Variants in NLGN1 observed in about 807,000 individuals in gnomAD.
NLGN1 encodes the protein neuroligin 1.
In NLGN1, 12 loss-of-function variants were observed where a neutral mutation model predicts 65.5. The ratio of observed to expected loss-of-function variants is 0.18; its 90% confidence interval spans 0.12 to 0.30. The LOEUF (loss-of-function observed/expected upper bound fraction) is 0.30, where lower values mean the gene tolerates loss of function less well. NLGN1 is among the 10% of genes least tolerant of loss of function. The pLI is 1.00. For synonymous variants in NLGN1, 350 were observed against 359.5 expected, an observed-to-expected ratio of 0.97 and a Z score of 0.30; for missense variants, 750 against 1,007.1, an observed-to-expected ratio of 0.74 and a Z score of 3.46.
At chr3:173,769,876 C>T (rs1015286092) in intron 3 of NLGN1, among the ~76,000 whole-genome samples, 4 of 152,160 alleles carry the variant, frequency 2.6e-5, no homozygotes, top group Non-Finnish European at 5.9e-5. Flanking sequence ...CTTACCTTAT[C>T]CCTCTGGAAA....
chr3:173,773,731 G>C (rs1050059606), intron 3 of NLGN1, among the ~76,000 whole-genome samples: 1 of 152,020 alleles, frequency 6.6e-6, no homozygotes, highest in Admixed American at 6.6e-5. Context: ...GAGGTGGGTA[G>C]GTTCATAAAT....
At chr3:173,798,729 T>C (rs1013574262) in intron 3 of NLGN1, among the ~76,000 whole-genome samples, 1 of 152,088 alleles carries the variant, frequency 6.6e-6, no homozygotes, top group African/African-American at 2.4e-5. Context: ...CTGTCTGTGT[T>C]TGAAATGACC....
chr3:174,235,633 T>TAG (rs1267525036), intron 4 of NLGN1, among the ~76,000 whole-genome samples: 26 of 152,280 alleles, frequency 1.7e-4, no homozygotes, highest in Admixed American at 7.8e-4. Flanking sequence ...ACTGGCTTGA[T>TAG]ATTATTTTAT....
intron 2 of NLGN1, among the ~76,000 whole-genome samples, chr3:173,548,235 G>A (rs1428364226): frequency 2.6e-5 from 4 of 152,078 alleles, no homozygotes; most frequent in East Asian, 3.8e-4. Context: ...AATAGGGGCT[G>A]TAAATCTATT....
intron 4 of NLGN1, among the ~76,000 whole-genome samples, chr3:174,236,934 T>A (rs1189548372): frequency 6.6e-6 from 1 of 152,132 alleles, no homozygotes; most frequent in Non-Finnish European, 1.5e-5. Flanking sequence ...ACACTCTGCT[T>A]CTAAATCTAA....
At chr3:173,844,818 A>T (rs556690197) in intron 4 of NLGN1, among the ~76,000 whole-genome samples, 4 of 152,220 alleles carry the variant, frequency 2.6e-5, no homozygotes, top group Non-Finnish European at 5.9e-5. Flanking sequence ...CTGTAGTGTG[A>T]GTTACACAGT....
At chr3:173,441,593 C>G (rs1247746190) in intron 2 of NLGN1, among the ~76,000 whole-genome samples, 2 of 152,106 alleles carry the variant, frequency 1.3e-5, no homozygotes, top group African/African-American at 4.8e-5. Context: ...GCAGTCAGAA[C>G]ACACATATTT....
At chr3:174,259,757 A>G (rs1184971742) in intron 4 of NLGN1, among the ~76,000 whole-genome samples, 1 of 151,506 alleles carries the variant, frequency 6.6e-6, no homozygotes, top group Non-Finnish European at 1.5e-5. Context: ...ATATGTATAC[A>G]TGTGCCATGC....
intron 4 of NLGN1, among the ~76,000 whole-genome samples, chr3:174,226,994 G>A (rs1351390418): frequency 6.6e-6 from 1 of 152,138 alleles, no homozygotes; most frequent in East Asian, 1.9e-4. Flanking sequence ...GCATACGATT[G>A]TTGACTTTTA....
chr3:173,653,602 A>G (rs1759544914), intron 3 of NLGN1, among the ~76,000 whole-genome samples: 1 of 152,210 alleles, frequency 6.6e-6, no homozygotes, highest in African/African-American at 2.4e-5. Flanking sequence ...TCGCATTTTT[A>G]TAAACATTAT....
chr3:173,673,749 G>A (rs1050139556), intron 3 of NLGN1, among the ~76,000 whole-genome samples: 4 of 152,032 alleles, frequency 2.6e-5, no homozygotes, highest in Admixed American at 6.6e-5. Flanking sequence ...AAGTACATAT[G>A]TTAATGGTAG....
At chr3:174,216,545 G>A (rs1370041356) in intron 4 of NLGN1, among the ~76,000 whole-genome samples, 1 of 152,074 alleles carries the variant, frequency 6.6e-6, no homozygotes, top group Non-Finnish European at 1.5e-5. Flanking sequence ...GTAGATAGAT[G>A]TGCCCCTTTC....
chr3:174,187,906 A>G (rs903295588), intron 4 of NLGN1, among the ~76,000 whole-genome samples: 2 of 151,982 alleles, frequency 1.3e-5, no homozygotes, highest in African/African-American at 4.8e-5. Flanking sequence ...ACTGTGTTTT[A>G]GTTAACTTTG....
chr3:174,212,594 A>T (rs1736896179), intron 4 of NLGN1, among the ~76,000 whole-genome samples: 1 of 152,230 alleles, frequency 6.6e-6, no homozygotes, highest in Admixed American at 6.5e-5. Context: ...CACAATGATG[A>T]AATCACCTAA....
chr3:173,768,592 A>C (rs1475938818), intron 3 of NLGN1, among the ~76,000 whole-genome samples: 2 of 152,158 alleles, frequency 1.3e-5, no homozygotes, highest in Admixed American at 1.3e-4. Context: ...CCATCTTTTA[A>C]AATTTTCCCC....
At chr3:173,724,004 G>T (rs1771330048) in intron 3 of NLGN1, among the ~76,000 whole-genome samples, 1 of 152,192 alleles carries the variant, frequency 6.6e-6, no homozygotes, top group African/African-American at 2.4e-5. Context: ...TAACTCTCAA[G>T]TTTTTAGCTT....
rs1553990422 is a variant in NLGN1, at chr3:174,280,261, CAG to C, written c.1650-214_1650-213del. On this transcript the variant is annotated intron_variant, in intron 6 of 6. Coordinates refer to ENST00000457714, the Ensembl canonical transcript of NLGN1. The surrounding 1 kb of genome is among the most constrained non-coding windows in gnomAD (Gnocchi z 4.9). Reference sequence around the variant, plus strand: ...AGATAGCAGCCCATCTCAGGATAAGCAGAGAGAACAAGAATGTGAGACTTACT... The same window carrying C: ...AGATAGCAGCCCATCTCAGGATAAGCAGAGAACAAGAATGTGAGACTTACT... Among the ~76,000 whole-genome samples, 1 of 151,888 alleles carries C rather than the reference CAG, an allele frequency of 6.6e-6. No individual in the cohort carries two copies. Among genetic ancestry groups the C allele is most frequent in the East Asian group, 1.9e-4 (1 of 5,138 alleles).
intron 2 of NLGN1, among the ~76,000 whole-genome samples, chr3:173,590,412 C>T (rs16827969): frequency 0.016 from 2,411 of 152,202 alleles, 82 homozygotes; most frequent in African/African-American, 0.055. Context: ...TTTCACGCCA[C>T]GGTCTTTAAT....
chr3:173,548,506 T>C (rs568034445), intron 2 of NLGN1, among the ~76,000 whole-genome samples: 9 of 150,858 alleles, frequency 6.0e-5, no homozygotes, highest in African/African-American at 2.2e-4. Context: ...TTGTAGATCA[T>C]GTGATGCTTC....
Sources: gnomAD v4.1 joint callset for allele counts (sites outside exome capture counted in the v4.1 genomes callset) on GRCh38, gnomAD v4.1.1 for gene constraint, Gnocchi (gnomAD v3.1) non-coding constraint, MANE v1.5 for transcripts, NCBI Gene and HGNC (gene_info 2026-07-23, HGNC 2026-07-21) for gene names.